Variants in AOAH observed in about 807,000 individuals in gnomAD.
AOAH encodes acyloxyacyl hydrolase (neutrophil).
AOAH carries 64 observed loss-of-function variants against 92.2 expected under a neutral mutation model. That is an observed-to-expected ratio of 0.69 (90% CI 0.57 to 0.86). The LOEUF (loss-of-function observed/expected upper bound fraction) is 0.86. AOAH is among the 40% of genes least tolerant of loss of function. AOAH has a pLI of 0.00. For missense variants in AOAH, 656 were observed against 694.6 expected (o/e 0.94, Z 0.62); for synonymous variants, 263 against 254.5 (o/e 1.03, Z -0.32).
At chr7:36,627,781 C>G (rs185777462) in intron 6 of AOAH, among the ~76,000 whole-genome samples, 9 of 152,308 alleles carry the variant, frequency 5.9e-5, no homozygotes, top group African/African-American at 2.2e-4. Context: ...TGCCCCTGCT[C>G]TGCACCCGCC....
intron 10 of AOAH, among the ~76,000 whole-genome samples, chr7:36,616,770 T>C (rs1791916615): frequency 6.6e-6 from 1 of 152,206 alleles, no homozygotes; most frequent in Non-Finnish European, 1.5e-5. Context: ...AAGCTTTATC[T>C]GAAATCCGAA....
intron 12 of AOAH, among the ~76,000 whole-genome samples, chr7:36,583,946 T>C (rs897982199): frequency 1.3e-5 from 2 of 152,194 alleles, no homozygotes; most frequent in Non-Finnish European, 1.5e-5. Flanking sequence ...AAAGATTACT[T>C]GTGACATAGC....
At chr7:36,542,774 T>C (rs894063146) in intron 15 of AOAH, among the ~76,000 whole-genome samples, 7 of 152,180 alleles carry the variant, frequency 4.6e-5, no homozygotes, top group Admixed American at 1.3e-4. Context: ...ACCCATGCAA[T>C]AGAACTCTAT....
intron 1 of AOAH, among the ~76,000 whole-genome samples, chr7:36,714,888 A>G (rs1799024227): frequency 2.6e-5 from 4 of 152,158 alleles, no homozygotes; most frequent in Admixed American, 2.6e-4. Flanking sequence ...ATGGGCAAAA[A>G]CTGGAAGCAT....
intron 6 of AOAH, among the ~76,000 whole-genome samples, chr7:36,631,591 T>G (rs1028822431): frequency 2.0e-5 from 3 of 152,190 alleles, no homozygotes; most frequent in African/African-American, 7.2e-5. Context: ...AGATTTTTCA[T>G]GTAATAGTTT....
chr7:36,567,722 A>G (rs1330808397), intron 13 of AOAH, among the ~76,000 whole-genome samples: 5 of 152,160 alleles, frequency 3.3e-5, no homozygotes, highest in Non-Finnish European at 7.3e-5. Flanking sequence ...GTAAGGCCCG[A>G]ATAGTGGTGT....
At chr7:36,719,035 G>A (rs1023903706) in intron 1 of AOAH, among the ~76,000 whole-genome samples, 6 of 152,144 alleles carry the variant, frequency 3.9e-5, no homozygotes, top group South Asian at 4.1e-4. Context: ...TAATTAAAGC[G>A]AGGAATAAGC....
intron 4 of AOAH, among the ~76,000 whole-genome samples, chr7:36,648,629 C>CT (rs751147956): frequency 0.025 from 3,295 of 131,182 alleles, 124 homozygotes; most frequent in African/African-American, 0.082. Context: ...TTTATGGTTC[C>CT]TTTTTTTTTT....
intron 1 of AOAH, among the ~76,000 whole-genome samples, chr7:36,698,230 G>C (rs1166849044): frequency 6.6e-6 from 1 of 151,892 alleles, no homozygotes; most frequent in African/African-American, 2.4e-5. Flanking sequence ...AATTGTTTAC[G>C]ATCTTTCCTT....
chr7:36,541,337 T>C (rs1785411562), intron 15 of AOAH, among the ~76,000 whole-genome samples: 1 of 152,048 alleles, frequency 6.6e-6, no homozygotes, highest in African/African-American at 2.4e-5. Context: ...GTTAGTAAAA[T>C]AAAAAAAGAA....
intron 4 of AOAH, among the ~76,000 whole-genome samples, chr7:36,650,650 A>G (rs1057471560): frequency 2.0e-5 from 3 of 152,224 alleles, no homozygotes; most frequent in African/African-American, 7.2e-5. Flanking sequence ...ACTGCTTCAC[A>G]TTCTCAAAGA....
chr7:36,635,865 A>G (rs2116290922), intron 5 of AOAH, among the ~76,000 whole-genome samples: 1 of 152,266 alleles, frequency 6.6e-6, no homozygotes, highest in Non-Finnish European at 1.5e-5. Flanking sequence ...AAAATACTCT[A>G]TCTATTTGAG....
intron 12 of AOAH, among the ~76,000 whole-genome samples, chr7:36,582,012 A>G (rs17478729): frequency 0.36 from 54,318 of 152,014 alleles, 10,071 homozygotes; most frequent in Middle Eastern, 0.42. Context: ...CAAATTGAGA[A>G]GATAGCTTAA....
Position 36,614,142 on chromosome 7 carries a change from C to T in AOAH, c.846+2238G>A, listed in dbSNP as rs558412305. 6.6e-5 allele frequency among the ~76,000 whole-genome samples: 10 copies of T among 152,244 alleles called. No homozygotes were observed. In the South Asian group the frequency reaches 1.9e-3, roughly 28 times the overall value. On this transcript the variant is annotated intron_variant, in intron 11 of 20. Transcript: ENST00000617537. The surrounding 1 kb of genome is among the most constrained non-coding windows in gnomAD (Gnocchi z 4.2). ...ATAGGTGGCTGTATGACAGGGCTTC[C>T]CCACCGTGCCCATGTCCCTTTCTCG... is the stretch of plus-strand genomic sequence containing the variant.
At chr7:36,679,283 AATAAATATATAT>A (rs1487810776) in intron 2 of AOAH, among the ~76,000 whole-genome samples, 1 of 151,378 alleles carries the variant, frequency 6.6e-6, no homozygotes, top group Non-Finnish European at 1.5e-5. Context: ...CTTAAAGTAC[AATAAATATATAT>A]ATAAAAAATA....
chr7:36,602,448 T>C (rs1354559339), intron 11 of AOAH, among the ~76,000 whole-genome samples: 1 of 152,016 alleles, frequency 6.6e-6, no homozygotes, highest in African/African-American at 2.4e-5. Flanking sequence ...CCATTGTTTT[T>C]TTTTTTTTTC....
At chr7:36,608,919 G>C (rs1277244263) in intron 11 of AOAH, among the ~76,000 whole-genome samples, 3 of 129,850 alleles carry the variant, frequency 2.3e-5, no homozygotes, top group Non-Finnish European at 5.0e-5. Flanking sequence ...GAGGGGGGGG[G>C]GTCTGGTACA....
At chr7:36,660,887 T>C (rs1031691392) in intron 3 of AOAH, among the ~76,000 whole-genome samples, 4 of 152,244 alleles carry the variant, frequency 2.6e-5, no homozygotes, top group African/African-American at 9.6e-5. Context: ...ACTCTACTTA[T>C]ATACTTCTTT....
chr7:36,658,751 T>C (rs1336945240), intron 4 of AOAH, among the ~76,000 whole-genome samples: 1 of 152,200 alleles, frequency 6.6e-6, no homozygotes, highest in Non-Finnish European at 1.5e-5. Flanking sequence ...AGGCTCAGCG[T>C]AGGGTGACCA....
Sources: allele counts gnomAD v4.1 joint callset (sites outside exome capture counted in the v4.1 genomes callset), GRCh38; gene constraint gnomAD v4.1.1; non-coding constraint Gnocchi (gnomAD v3.1); transcripts MANE v1.5; gene names NCBI Gene and HGNC (gene_info 2026-07-23, HGNC 2026-07-21).